TRPM3: variants seen among roughly 807,000 people sequenced by gnomAD.
The protein encoded by TRPM3 is transient receptor potential cation channel subfamily M member 3.
In TRPM3, 77 loss-of-function variants were observed where a neutral mutation model predicts 181.2. The observed-to-expected ratio is 0.42, with a 90% CI of 0.35 to 0.51. TRPM3 has a LOEUF of 0.51. TRPM3 is among the 20% of genes least tolerant of loss of function. The pLI, the probability that TRPM3 is intolerant of heterozygous loss-of-function variation, is 0.01. For synonymous variants in TRPM3, 745 were observed against 796.4 expected, an observed-to-expected ratio of 0.94 and a Z score of 1.09; for missense variants, 1,759 against 2,196.7, an observed-to-expected ratio of 0.80 and a Z score of 3.98.
chr9:70,689,796 T>A (rs1216844566), intron 8 of TRPM3, among the ~76,000 whole-genome samples: 4 of 152,046 alleles, frequency 2.6e-5, no homozygotes, highest in African/African-American at 9.7e-5. Context: ...AACATGGAAA[T>A]AATTTTATGT....
At chr9:71,252,951 T>C (rs1038814727) in intron 1 of TRPM3, among the ~76,000 whole-genome samples, 1 of 149,982 alleles carries the variant, frequency 6.7e-6, no homozygotes, top group Admixed American at 6.8e-5. Context: ...CCTCCTGAAG[T>C]GCTGAGATTA....
chr9:71,382,637 A>AT, intron 1 of TRPM3, among the ~76,000 whole-genome samples: 1 of 151,948 alleles, frequency 6.6e-6, no homozygotes, highest in African/African-American at 2.4e-5. Context: ...CTTGATTGGA[A>AT]TTTTTTTAAA....
At chr9:71,159,144 C>A (rs551059355) in intron 1 of TRPM3, among the ~76,000 whole-genome samples, 1 of 142,280 alleles carries the variant, frequency 7.0e-6, no homozygotes, top group Admixed American at 7.0e-5. Flanking sequence ...AGAAAGATGT[C>A]CATTCATCCA....
intron 1 of TRPM3, among the ~76,000 whole-genome samples, chr9:71,081,269 A>C (rs2133754412): frequency 6.6e-6 from 1 of 152,356 alleles, no homozygotes; most frequent in Non-Finnish European, 1.5e-5. Context: ...CATGCAAGGC[A>C]ATCTGTGGAC....
chr9:70,856,768 A>C (rs2132277960), intron 3 of TRPM3, among the ~76,000 whole-genome samples: 1 of 152,330 alleles, frequency 6.6e-6, no homozygotes, highest in African/African-American at 2.4e-5. Context: ...AACCTAATTT[A>C]ATAGGGAGTG....
At chr9:70,912,173 G>A (rs1266438791) in intron 1 of TRPM3, among the ~76,000 whole-genome samples, 3 of 152,150 alleles carry the variant, frequency 2.0e-5, no homozygotes, top group African/African-American at 7.2e-5. Context: ...AAAGAAAGAA[G>A]GGGCAAATAA....
intron 1 of TRPM3, among the ~76,000 whole-genome samples, chr9:70,875,975 A>G (rs978301228): frequency 1.3e-5 from 2 of 151,942 alleles, no homozygotes; most frequent in African/African-American, 4.8e-5. Context: ...GGTAGAAAAT[A>G]AATCCATCTG....
intron 25 of TRPM3, among the ~76,000 whole-genome samples, chr9:70,537,945 G>A (rs1337462462): frequency 6.6e-6 from 1 of 152,058 alleles, no homozygotes; most frequent in Non-Finnish European, 1.5e-5. Flanking sequence ...CCATGGATGG[G>A]GGTTATTTTT....
chr9:71,355,293 T>G (rs1167479443), intron 1 of TRPM3, among the ~76,000 whole-genome samples: 1 of 152,056 alleles, frequency 6.6e-6, no homozygotes, highest in Non-Finnish European at 1.5e-5. Context: ...AGGATTAGAG[T>G]GAGCACTAAC....
At chr9:71,284,857 G>A (rs2085149897) in intron 1 of TRPM3, among the ~76,000 whole-genome samples, 1 of 152,132 alleles carries the variant, frequency 6.6e-6, no homozygotes. Context: ...ATAAAAGCTA[G>A]AATAACTATT....
intron 1 of TRPM3, among the ~76,000 whole-genome samples, chr9:71,053,487 G>C (rs1755707144): frequency 1.3e-5 from 2 of 152,100 alleles, no homozygotes; most frequent in African/African-American, 4.8e-5. Flanking sequence ...CAGAAAAGCA[G>C]TGGCAGAGAA....
intron 1 of TRPM3, among the ~76,000 whole-genome samples, chr9:71,003,659 G>T (rs1009451841): frequency 1.3e-5 from 2 of 152,170 alleles, no homozygotes; most frequent in South Asian, 2.1e-4. Context: ...TCTCAGTGTA[G>T]GTTGATTTAT....
At chr9:71,243,614 A>G (rs2081854939) in intron 1 of TRPM3, among the ~76,000 whole-genome samples, 1 of 152,228 alleles carries the variant, frequency 6.6e-6, no homozygotes, top group Non-Finnish European at 1.5e-5. Context: ...GTAAGTACTC[A>G]ATAAATATAT....
chr9:71,083,573 AG>A (rs1355638164), intron 1 of TRPM3, among the ~76,000 whole-genome samples: 1 of 152,068 alleles, frequency 6.6e-6, no homozygotes, highest in Non-Finnish European at 1.5e-5. Context: ...GTATGAAAAA[AG>A]GGGTGAATAT....
chr9:71,318,609 C>G (rs562152453), intron 1 of TRPM3, among the ~76,000 whole-genome samples: 14 of 152,246 alleles, frequency 9.2e-5, no homozygotes, highest in African/African-American at 3.1e-4. Flanking sequence ...CTATCTCGCT[C>G]TAATGGTAGG....
chr9:71,008,195 A>G (rs2097700110), intron 1 of TRPM3, among the ~76,000 whole-genome samples: 1 of 152,100 alleles, frequency 6.6e-6, no homozygotes, highest in South Asian at 2.1e-4. Flanking sequence ...TTGGACACAT[A>G]CAACCTACCA....
chr9:71,332,412 T>TG (rs1565471555), intron 1 of TRPM3, among the ~76,000 whole-genome samples: 4 of 150,468 alleles, frequency 2.7e-5, no homozygotes, highest in African/African-American at 7.4e-5. Context: ...TGTGTGTGTG[T>TG]TTCAGCACAG....
intron 22 of TRPM3, among the ~76,000 whole-genome samples, chr9:70,587,480 T>C (rs912460695): frequency 3.3e-5 from 5 of 152,304 alleles, no homozygotes; most frequent in East Asian, 1.9e-4. Flanking sequence ...AAAGGTGCAC[T>C]TCTAGGCACC....
At chr9:71,298,555 T>C (rs1392824868) in intron 1 of TRPM3, among the ~76,000 whole-genome samples, 2 of 152,104 alleles carry the variant, frequency 1.3e-5, no homozygotes, top group Non-Finnish European at 2.9e-5. Context: ...AATATGGTAC[T>C]TCACTAATCC....
Sources: allele counts gnomAD v4.1 joint callset (sites outside exome capture counted in the v4.1 genomes callset), GRCh38; gene constraint gnomAD v4.1.1; transcripts MANE v1.5; gene names NCBI Gene and HGNC (gene_info 2026-07-23, HGNC 2026-07-21).